The following USP32 variants were observed in gnomAD, a reference collection of about 807,000 sequenced individuals.
The protein encoded by USP32 is ubiquitin carboxyl-terminal hydrolase 32.
In USP32, 59 loss-of-function variants were observed where a neutral mutation model predicts 204.8. That is an observed-to-expected ratio of 0.29 (90% CI 0.23 to 0.36). The LOEUF (loss-of-function observed/expected upper bound fraction) is 0.36, where lower values mean the gene tolerates loss of function less well. Among genes scored for constraint, USP32 ranks in the 10% least tolerant of loss-of-function variants. USP32 has a pLI of 1.00. For synonymous variants in USP32, 517 were observed against 678.4 expected, an observed-to-expected ratio of 0.76 and a Z score of 3.70; for missense variants, 1,160 against 1,946.4, an observed-to-expected ratio of 0.60 and a Z score of 7.60.
In USP32 at chr17:60,202,010, G is replaced by C. The variant is rs2259529; in HGVS notation, c.3249+3437C>G. 3.0e-3 allele frequency among the ~76,000 whole-genome samples: 450 copies of C among 151,806 alleles called. 2 individuals carry two copies. Among genetic ancestry groups the C allele is most frequent in the African/African-American group, 5.5e-3 (229 of 41,264 alleles). On this transcript the variant is annotated intron_variant, in intron 26 of 33. Coordinates refer to ENST00000300896, the MANE Select transcript of USP32 (RefSeq NM_032582.4). ...TAATCTTTTCTTTTATATGAGTAGC[G>C]TCAGGAATGTATTTACCAGTATTAT...
chr17:60,336,879 T>G (rs538986067), intron 2 of USP32, among the ~76,000 whole-genome samples: 114 of 152,326 alleles, frequency 7.5e-4, no homozygotes, highest in African/African-American at 2.6e-3. Context: ...AGTATCCTGC[T>G]GGTTGTTCTG....
intron 16 of USP32, among the ~76,000 whole-genome samples, chr17:60,217,336 C>T (rs2145544859): frequency 6.6e-6 from 1 of 152,258 alleles, no homozygotes; most frequent in African/African-American, 2.4e-5. Flanking sequence ...CACTCTGTTG[C>T]CCAGAATAGA....
chr17:60,279,312 C>T (rs1567823213), intron 5 of USP32, among the ~76,000 whole-genome samples: 1 of 151,048 alleles, frequency 6.6e-6, no homozygotes, highest in Non-Finnish European at 1.5e-5. Flanking sequence ...GATGAGATCC[C>T]ATCTCTACAA....
At chr17:60,331,617 T>A (rs1355900962) in intron 2 of USP32, among the ~76,000 whole-genome samples, 1 of 135,258 alleles carries the variant, frequency 7.4e-6, no homozygotes, top group Non-Finnish European at 1.6e-5. Flanking sequence ...ACATTTAAAG[T>A]ATACAATTGA....
chr17:60,327,403 G>A (rs1463752377), intron 2 of USP32, among the ~76,000 whole-genome samples: 1 of 146,468 alleles, frequency 6.8e-6, no homozygotes, highest in Non-Finnish European at 1.5e-5. Flanking sequence ...GTCAATGTGG[G>A]TTGGTGGGGG....
intron 18 of USP32, 63 bp downstream of exon 18, chr17:60,213,518 T>C: frequency 2.8e-6 from 2 of 710,264 alleles, no homozygotes; most frequent in Non-Finnish European, 4.6e-6. Flanking sequence ...AAATGGGTTA[T>C]TAGTAACTCT....
At chr17:60,235,318 G>A (rs1272609111) in intron 12 of USP32, among the ~76,000 whole-genome samples, 1 of 152,058 alleles carries the variant, frequency 6.6e-6, no homozygotes, top group Non-Finnish European at 1.5e-5. Flanking sequence ...CTACCTACAA[G>A]GTCCAGGAAG....
chr17:60,398,400 A>G (rs755409880), intron 1 of USP32, among the ~76,000 whole-genome samples: 31 of 151,886 alleles, frequency 2.0e-4, no homozygotes, highest in Non-Finnish European at 4.3e-4. Context: ...GCCTCAAAAA[A>G]AGAAAAAAGA....
intron 3 of USP32, among the ~76,000 whole-genome samples, chr17:60,295,036 A>G (rs1362007087): frequency 6.6e-6 from 1 of 152,244 alleles, no homozygotes; most frequent in Non-Finnish European, 1.5e-5. Flanking sequence ...ACAAAGTGTT[A>G]GCAAAGACTA....
At chr17:60,195,626 C>T (rs1035407461) in intron 27 of USP32, among the ~76,000 whole-genome samples, 6 of 152,234 alleles carry the variant, frequency 3.9e-5, no homozygotes, top group African/African-American at 1.2e-4. Flanking sequence ...GCATGAGCCA[C>T]TGCACCCAGC....
chr17:60,404,230 G>T (rs2089958809), intron 1 of USP32, among the ~76,000 whole-genome samples: 1 of 152,152 alleles, frequency 6.6e-6, no homozygotes, highest in Non-Finnish European at 1.5e-5. Context: ...GGGAGAGGGA[G>T]AGAGAATGCA....
At chr17:60,318,086 TAGAA>T (rs941864773) in intron 2 of USP32, among the ~76,000 whole-genome samples, 2 of 152,246 alleles carry the variant, frequency 1.3e-5, no homozygotes, top group Non-Finnish European at 2.9e-5. Flanking sequence ...AATTGTGACA[TAGAA>T]AGCATGTGTA....
chr17:60,236,335 C>A, intron 11 of USP32, 95 bp from the exon 12 acceptor site: 1 of 1,013,686 alleles, frequency 9.9e-7, no homozygotes, highest in Non-Finnish European at 1.5e-6. Flanking sequence ...AGGAAAACCG[C>A]GAAACATTTA....
At chr17:60,191,877 G>A (rs182623460) in intron 28 of USP32, among the ~76,000 whole-genome samples, 33 of 152,236 alleles carry the variant, frequency 2.2e-4, no homozygotes, top group Admixed American at 1.9e-3. Flanking sequence ...AGTATCATTA[G>A]GCACTTTCCC....
In USP32 at chr17:60,240,037, A is replaced by G. The variant is rs1294062007; in HGVS notation, c.1137-3797T>C. Among the ~76,000 whole-genome samples, 3 of 152,290 alleles carry G rather than the reference A, an allele frequency of 2.0e-5. No homozygotes were observed. The East Asian group carries it at 5.8e-4, about 29-fold the overall frequency. ...GGCGTGGGCCACCATGCCCAAGCCA[A>G]TTCTCCTGGTTTCCTTTAGTTTGTT... On this transcript the variant is annotated intron_variant, in intron 11 of 33. Coordinates refer to ENST00000300896, the MANE Select transcript of USP32 (RefSeq NM_032582.4).
chr17:60,359,380 TTGA>T, intron 1 of USP32, among the ~76,000 whole-genome samples: 1 of 152,332 alleles, frequency 6.6e-6, no homozygotes, highest in East Asian at 1.9e-4. Flanking sequence ...TTAAATATTA[TTGA>T]TATTTTTGGA....
chr17:60,240,497 A>G (rs1035702053), intron 11 of USP32, among the ~76,000 whole-genome samples: 2 of 145,444 alleles, frequency 1.4e-5, no homozygotes, highest in African/African-American at 5.7e-5. Context: ...AAAAAGGGAG[A>G]GAGAGAGAGA....
intron 12 of USP32, among the ~76,000 whole-genome samples, chr17:60,228,908 C>T (rs1442657998): frequency 1.3e-5 from 2 of 151,512 alleles, no homozygotes; most frequent in Non-Finnish European, 2.9e-5. Context: ...CTCAGGTAAT[C>T]CTCCTGCCTC....
chr17:60,356,907 GCCTAATGACTT>G (rs933095365), intron 1 of USP32, among the ~76,000 whole-genome samples: 82 of 152,176 alleles, frequency 5.4e-4, no homozygotes, highest in African/African-American at 1.9e-3. Flanking sequence ...AAAAAAACAT[GCCTAATGACTT>G]CAAGTATGAG....
Sources: gnomAD v4.1 joint callset for allele counts (sites outside exome capture counted in the v4.1 genomes callset) on GRCh38, gnomAD v4.1.1 for gene constraint, MANE v1.5 for transcripts, NCBI Gene and HGNC (gene_info 2026-07-23, HGNC 2026-07-21) for gene names.